Variants in AOPEP observed in about 807,000 individuals in gnomAD.
AOPEP encodes aminopeptidase O.
A neutral mutation model predicts 98.1 loss-of-function variants in AOPEP; 77 were observed. The observed-to-expected ratio is 0.78, with a 90% CI of 0.65 to 0.95. The LOEUF is 0.95. AOPEP is among the 40% of genes least tolerant of loss of function. The probability of loss-of-function intolerance (pLI) is 0.00; values close to 1 mark genes in which losing one functional copy is unlikely to be tolerated. For missense variants in AOPEP, 1,024 were observed against 1,024.7 expected, an observed-to-expected ratio of 1.00 and a Z score of 0.01; for synonymous variants, 346 against 365.3, an observed-to-expected ratio of 0.95 and a Z score of 0.60.
At chr9:94,847,432 A>C (rs2043005405) in intron 5 of AOPEP, among the ~76,000 whole-genome samples, 1 of 152,202 alleles carries the variant, frequency 6.6e-6, no homozygotes, top group Non-Finnish European at 1.5e-5. Flanking sequence ...CCAGTGGGGC[A>C]GGGCTGGTTG....
At chr9:95,068,417 A>G (rs1482940236) in intron 14 of AOPEP, among the ~76,000 whole-genome samples, 2 of 152,068 alleles carry the variant, frequency 1.3e-5, no homozygotes, top group Non-Finnish European at 2.9e-5. Flanking sequence ...CGTATTGACT[A>G]ATGGTGTTGA....
intron 5 of AOPEP, among the ~76,000 whole-genome samples, chr9:94,841,497 T>A (rs1458184213): frequency 6.6e-6 from 1 of 152,154 alleles, no homozygotes; most frequent in Non-Finnish European, 1.5e-5. Context: ...TGATACATTA[T>A]GTTCCGTTTT....
intron 13 of AOPEP, among the ~76,000 whole-genome samples, chr9:95,034,276 G>T (rs1415966090): frequency 2.0e-5 from 3 of 152,160 alleles, no homozygotes; most frequent in Non-Finnish European, 4.4e-5. Flanking sequence ...ATTTGGACAG[G>T]TGTCTTCATA....
At chr9:95,135,236 G>C in the AOPEP span, 1 of 1,061,158 alleles carries the variant, frequency 9.4e-7, no homozygotes. Flanking sequence ...ATATATAAAG[G>C]TTCCAATTGC....
At chr9:95,086,041 A>G (rs779347857) in intron 16 of AOPEP, 4 of 1,367,642 alleles carry the variant, frequency 2.9e-6, no homozygotes, top group Non-Finnish European at 3.9e-6. Flanking sequence ...TACTGAGCTG[A>G]TATCAGTTCT....
At chr9:95,092,871 T>A in the AOPEP span, among the ~76,000 whole-genome samples, 1 of 152,326 alleles carries the variant, frequency 6.6e-6, no homozygotes, top group African/African-American at 2.4e-5. Flanking sequence ...AAGCCCTCTG[T>A]GGCTAAGACA....
intron 1 of AOPEP, among the ~76,000 whole-genome samples, chr9:94,733,971 C>T (rs546649251): frequency 7.4e-4 from 113 of 152,324 alleles, no homozygotes; most frequent in Non-Finnish European, 1.4e-3. Flanking sequence ...AAGTCTGGAT[C>T]TTCCTCTGAA....
intron 13 of AOPEP, among the ~76,000 whole-genome samples, chr9:95,010,118 A>AT (rs1204330026): frequency 2.6e-5 from 4 of 152,230 alleles, no homozygotes; most frequent in South Asian, 2.1e-4. Context: ...TGGTTTATGC[A>AT]TTTTTTAGCG....
At chr9:94,837,599 T>C (rs1428704162) in intron 5 of AOPEP, among the ~76,000 whole-genome samples, 1 of 152,136 alleles carries the variant, frequency 6.6e-6, no homozygotes, top group Non-Finnish European at 1.5e-5. Context: ...GCAAGGATGG[T>C]TTAACATACG....
intron 13 of AOPEP, among the ~76,000 whole-genome samples, chr9:95,028,529 T>C (rs1306400609): frequency 1.3e-5 from 2 of 152,258 alleles, no homozygotes; most frequent in Non-Finnish European, 2.9e-5. Flanking sequence ...AGTTTTAATA[T>C]TGACTCAGGT....
At chr9:94,876,346 C>T (rs1380901056) in intron 5 of AOPEP, among the ~76,000 whole-genome samples, 1 of 151,840 alleles carries the variant, frequency 6.6e-6, no homozygotes, top group African/African-American at 2.4e-5. Context: ...ATAAACACAT[C>T]AGTTGCTTTT....
chr9:94,794,837 G>C (rs1403703093), intron 4 of AOPEP, among the ~76,000 whole-genome samples: 4 of 152,140 alleles, frequency 2.6e-5, no homozygotes, highest in Admixed American at 6.5e-5. Flanking sequence ...GTAATTTCAG[G>C]TGGTCTGAAT....
chr9:94,960,072 T>A (rs568080687), intron 9 of AOPEP, among the ~76,000 whole-genome samples: 1 of 152,340 alleles, frequency 6.6e-6, no homozygotes, highest in South Asian at 2.1e-4. Flanking sequence ...TCCCTTTACC[T>A]ATATATTCCA....
intron 2 of AOPEP, among the ~76,000 whole-genome samples, chr9:94,770,395 G>A (rs1840593126): frequency 6.6e-6 from 1 of 152,158 alleles, no homozygotes; most frequent in South Asian, 2.1e-4. Context: ...GGGAATCTAG[G>A]AGCAGCTTAG....
chr9:94,995,562 C>T (rs75996150), intron 11 of AOPEP, among the ~76,000 whole-genome samples: 6,309 of 152,200 alleles, frequency 0.041, 443 homozygotes, highest in African/African-American at 0.14. Context: ...AAAACAGCAA[C>T]AGCATATTTG....
At chr9:94,743,919 C>T (rs1833837500) in intron 1 of AOPEP, among the ~76,000 whole-genome samples, 1 of 152,168 alleles carries the variant, frequency 6.6e-6, no homozygotes, top group Non-Finnish European at 1.5e-5. Flanking sequence ...CGAGCAGGGA[C>T]TTGGGAGTCC....
At chr9:94,747,411 G>A (rs1358909813) in intron 1 of AOPEP, among the ~76,000 whole-genome samples, 1 of 152,114 alleles carries the variant, frequency 6.6e-6, no homozygotes, top group African/African-American at 2.4e-5. Context: ...ATATATTTAT[G>A]CTAGTTAGAG....
intron 5 of AOPEP, among the ~76,000 whole-genome samples, chr9:94,890,940 C>T (rs2048811263): frequency 6.6e-6 from 1 of 152,210 alleles, no homozygotes; most frequent in Non-Finnish European, 1.5e-5. Flanking sequence ...GTAGAGCCTT[C>T]TTTAAATGCC....
chr9:94,958,090 G>C (rs2058590424), intron 9 of AOPEP, among the ~76,000 whole-genome samples: 2 of 151,992 alleles, frequency 1.3e-5, no homozygotes, highest in South Asian at 2.1e-4. Context: ...TCTACTTTCT[G>C]TCTCTGTGAG....
Sources: gnomAD v4.1 joint callset for allele counts (sites outside exome capture counted in the v4.1 genomes callset) on GRCh38, gnomAD v4.1.1 for gene constraint, MANE v1.5 for transcripts, NCBI Gene and HGNC (gene_info 2026-07-23, HGNC 2026-07-21) for gene names.